Variants in PFDN2 observed in about 807,000 individuals in gnomAD.
PFDN2 encodes prefoldin subunit 2.
In PFDN2, 7 loss-of-function variants were observed where a neutral mutation model predicts 18.3. That is an observed-to-expected ratio of 0.38 (90% confidence interval 0.22 to 0.72). The LOEUF (loss-of-function observed/expected upper bound fraction) is 0.72, where lower values mean the gene tolerates loss of function less well. Among genes scored for constraint, PFDN2 ranks in the 30% least tolerant of loss-of-function variants. The probability of loss-of-function intolerance (pLI) is 0.47; values close to 1 mark genes in which losing one functional copy is unlikely to be tolerated. For missense variants in PFDN2, 181 were observed against 199.1 expected, an observed-to-expected ratio of 0.91 and a Z score of 0.55; for synonymous variants, 76 against 75.0, an observed-to-expected ratio of 1.01 and a Z score of -0.07.
chr1:161,115,075 T>C (rs868430442), intron 1 of PFDN2, among the ~76,000 whole-genome samples: 2 of 152,300 alleles, frequency 1.3e-5, no homozygotes, highest in South Asian at 4.1e-4. Context: ...TGTGTGTTTG[T>C]TTTTTGAGAC....
chr1:161,110,447 A>G (rs1654780961), intron 1 of PFDN2, among the ~76,000 whole-genome samples: 1 of 152,316 alleles, frequency 6.6e-6, no homozygotes, highest in East Asian at 1.9e-4. Flanking sequence ...CTCTGTTAAT[A>G]TATTATTCCT....
At chr1:161,114,367 T>C (rs1180967959) in intron 1 of PFDN2, among the ~76,000 whole-genome samples, 1 of 152,334 alleles carries the variant, frequency 6.6e-6, no homozygotes, top group East Asian at 1.9e-4. Context: ...CTTTTCTCCA[T>C]ATTCAAGTTC....
Position 161,117,959 on chromosome 1 carries a change from G to A in PFDN2, c.68C>T (p.Ala23Val). 6.2e-7 allele frequency: 1 copy of A among 1,612,258 alleles called. No individual in the cohort carries two copies. The highest frequency in any genetic ancestry group is 8.5e-7 in the Non-Finnish European group (1 of 1,179,122). ...GCGTTAGCCACTCCTCACCTGCTCT[G>A]CGGACACCGCCCCCTTCCCCGCGCC... is the stretch of plus-strand genomic sequence containing the variant. Reference protein sequence around the residue: ...GSGAGKGAVSAEQVIAGFNRL... With the variant: ...GSGAGKGAVSVEQVIAGFNRL... Residue 23 changes from alanine (A) to valine (V), a missense_variant, in exon 1 of 4, where the codon GCA becomes GTA. Transcript: ENST00000368010.
intron 1 of PFDN2, among the ~76,000 whole-genome samples, chr1:161,104,078 A>G (rs1228240402): frequency 6.6e-6 from 1 of 152,216 alleles, no homozygotes; most frequent in African/African-American, 2.4e-5. Flanking sequence ...ACATAATTCT[A>G]ATGTGTAGTG....
intron 1 of PFDN2, among the ~76,000 whole-genome samples, chr1:161,112,261 C>G (rs1014238907): frequency 2.0e-5 from 3 of 152,112 alleles, no homozygotes; most frequent in Non-Finnish European, 4.4e-5. Context: ...TATCATATAA[C>G]AAGTTTTCAA....
intron 1 of PFDN2, among the ~76,000 whole-genome samples, chr1:161,108,915 A>G (rs960316202): frequency 1.3e-5 from 2 of 152,152 alleles, no homozygotes; most frequent in East Asian, 1.9e-4. Context: ...CATGTGTACT[A>G]CTTATTATAC....
intron 3 of PFDN2, 119 bp downstream of exon 3, chr1:161,101,929 C>T: frequency 1.1e-6 from 1 of 942,980 alleles, no homozygotes; most frequent in Non-Finnish European, 1.6e-6. Context: ...GATATGGTTT[C>T]ACCATGTTGC....
intron 1 of PFDN2, among the ~76,000 whole-genome samples, chr1:161,117,508 G>C (rs1654987905): frequency 2.0e-5 from 3 of 152,172 alleles, no homozygotes; most frequent in African/African-American, 4.8e-5. Context: ...TCGAGTATGA[G>C]AGTCACGTGG....
Position 161,116,583 on chromosome 1 carries a change from T to C in PFDN2, c.75+1369A>G, listed in dbSNP as rs564450307. On this transcript the variant is annotated intron_variant, in intron 1 of 3. Coordinates refer to ENST00000368010, the MANE Select transcript of PFDN2 (RefSeq NM_012394.4). ...ACCCCAAGTCAGAAACCATATTCCATAGCACTTTATACTTCTCTTAGGACA... is the reference window on the plus strand; with the variant it reads ...ACCCCAAGTCAGAAACCATATTCCACAGCACTTTATACTTCTCTTAGGACA... Among the ~76,000 whole-genome samples, 3 of 152,290 alleles carry C rather than the reference T, an allele frequency of 2.0e-5. No homozygotes were observed. The South Asian group carries it at 6.2e-4, about 32-fold the overall frequency.
chr1:161,117,988 C>T lies in PFDN2; in HGVS notation c.39G>A (p.Gly13=). The change falls in exon 1 of 4, where the codon GGG becomes GGA. Residue 13 remains glycine, a synonymous_variant. Coordinates refer to ENST00000368010, the MANE Select transcript of PFDN2 (RefSeq NM_012394.4). ...ACACCGCCCCCTTCCCCGCGCCGCT[C>T]CCGCTGCTCTTGCCGGCGCGACCGC... ...ENSGRAGKSS[G]SGAGKGAVSA... 6.2e-7 allele frequency: 1 copy of T among 1,612,862 alleles called. No homozygotes were observed. The highest frequency in any genetic ancestry group is 8.5e-7 in the Non-Finnish European group (1 of 1,179,550).
At chr1:161,106,681 A>C (rs983100378) in intron 1 of PFDN2, among the ~76,000 whole-genome samples, 2 of 152,208 alleles carry the variant, frequency 1.3e-5, no homozygotes, top group Non-Finnish European at 2.9e-5. Context: ...TCTGTTGCCC[A>C]GATGGAGTAC....
intron 1 of PFDN2, among the ~76,000 whole-genome samples, chr1:161,114,998 A>G (rs568061247): frequency 1.3e-5 from 2 of 152,358 alleles, no homozygotes; most frequent in South Asian, 2.1e-4. Context: ...ATAGTCTCTC[A>G]TTATCCAGAG....
At chr1:161,104,040 G>C (rs1400134915) in intron 1 of PFDN2, among the ~76,000 whole-genome samples, 1 of 152,168 alleles carries the variant, frequency 6.6e-6, no homozygotes, top group East Asian at 1.9e-4. Flanking sequence ...GTAAGGCTCA[G>C]GCCTCAGTAT....
intron 1 of PFDN2, among the ~76,000 whole-genome samples, chr1:161,114,031 G>C (rs943827482): frequency 6.6e-6 from 1 of 152,116 alleles, no homozygotes; most frequent in Non-Finnish European, 1.5e-5. Context: ...CTAAAACAGT[G>C]GTTCCACTCT....
chr1:161,114,840 C>T (rs1349679306), intron 1 of PFDN2, among the ~76,000 whole-genome samples: 1 of 152,194 alleles, frequency 6.6e-6, no homozygotes, highest in South Asian at 2.1e-4. Flanking sequence ...CCCCACAATC[C>T]TACAACCTCG....
chr1:161,116,084 C>T (rs993644150), intron 1 of PFDN2, among the ~76,000 whole-genome samples: 16 of 152,172 alleles, frequency 1.1e-4, no homozygotes, highest in Non-Finnish European at 1.6e-4. Flanking sequence ...TTTAATTAGC[C>T]ATTCAAATGG....
At chr1:161,113,107 G>C (rs1319521065) in intron 1 of PFDN2, among the ~76,000 whole-genome samples, 1 of 152,042 alleles carries the variant, frequency 6.6e-6, no homozygotes, top group Non-Finnish European at 1.5e-5. Context: ...TTTTATATAA[G>C]AGTTAAACAA....
At chr1:161,107,424 C>CAAAAAAAA (rs34132641) in intron 1 of PFDN2, among the ~76,000 whole-genome samples, 1 of 68,308 alleles carries the variant, frequency 1.5e-5, no homozygotes, top group Non-Finnish European at 2.7e-5. Flanking sequence ...GACTCTGTCT[C>CAAAAAAAA]AAAAAAAAAA....
At chr1:161,114,654 G>A (rs1243570138) in intron 1 of PFDN2, among the ~76,000 whole-genome samples, 1 of 152,198 alleles carries the variant, frequency 6.6e-6, no homozygotes, top group Non-Finnish European at 1.5e-5. Context: ...TAAATTCAGT[G>A]ATGAGGTAGG....
Sources: gnomAD v4.1 joint callset for allele counts (sites outside exome capture counted in the v4.1 genomes callset) on GRCh38, gnomAD v4.1.1 for gene constraint, MANE v1.5 for transcripts, NCBI Gene and HGNC (gene_info 2026-07-23, HGNC 2026-07-21) for gene names.